The following MS4A14 variants were observed in gnomAD, a reference collection of about 807,000 sequenced individuals.
MS4A14 encodes membrane spanning 4-domains A14.
MS4A14 carries 18 observed loss-of-function variants against 16.7 expected under a neutral mutation model. The observed-to-expected ratio is 1.08, with a 90% CI of 0.75 to 1.60. MS4A14 has a LOEUF of 1.60. MS4A14 is among the 40% of genes most tolerant of loss of function. The pLI is 0.00. For missense variants in MS4A14, 812 were observed against 775.3 expected, an observed-to-expected ratio of 1.05 and a Z score of -0.56; for synonymous variants, 305 against 289.4, an observed-to-expected ratio of 1.05 and a Z score of -0.55.
Position 60,416,246 on chromosome 11 carries a change from G to A in MS4A14, c.1278G>A (p.Gln426=). The change falls in exon 5 of 5, where the codon CAG becomes CAA. Residue 426 remains glutamine (Q), a synonymous_variant. Coordinates refer to ENST00000300187, the MANE Select transcript of MS4A14 (RefSeq NM_032597.5). ...LPEASTSHIV[Q]FPEIQHLLQQ... ...AAGCCTCAACATCCCATATTGTGCAGTTCCCTGAAATACAACACCTACTTC... is the reference window on the plus strand; with the variant it reads ...AAGCCTCAACATCCCATATTGTGCAATTCCCTGAAATACAACACCTACTTC... 1 of 1,613,974 alleles carries A rather than the reference G, an allele frequency of 6.2e-7. No homozygotes were observed. Among genetic ancestry groups the A allele is most frequent in the Non-Finnish European group, 8.5e-7 (1 of 1,179,954 alleles).
At chr11:60,403,225 C>A in intron 4 of MS4A14, 164 bp downstream of exon 4, 4 of 706,706 alleles carry the variant, frequency 5.7e-6, no homozygotes, top group South Asian at 5.2e-5. Context: ...GGTTAAGGAG[C>A]GATATTTTCT....
chr11:60,416,035 C>A lies in MS4A14; in HGVS notation c.1067C>A (p.Pro356His), dbSNP rs978469443. ...TCTAATCTGACAGCTAATGACCTGC[C>A]CCCTCAAGGCATACTATCCCAAGAC... ...QSSNLTANDL[P>H]PQGILSQDTS... The change falls in exon 5 of 5, where the codon CCC becomes CAC. Residue 356 changes from proline to histidine, a missense_variant. Transcript: ENST00000300187. The A allele has an allele frequency of 6.2e-7, 1 of 1,613,638 alleles. No individual in the cohort carries two copies.
intron 4 of MS4A14, among the ~76,000 whole-genome samples, chr11:60,411,158 A>T (rs2135146631): frequency 6.6e-6 from 1 of 152,224 alleles, no homozygotes; most frequent in South Asian, 2.1e-4. Context: ...GTATTGTTTT[A>T]ATTAGTGTAG....
In MS4A14 at chr11:60,416,424, C is replaced by A; in HGVS notation, c.1456C>A (p.His486Asn). 6.2e-7 allele frequency: 1 copy of A among 1,613,968 alleles called. No individual in the cohort carries two copies. Among genetic ancestry groups the A allele is most frequent in the Non-Finnish European group, 8.5e-7 (1 of 1,179,934 alleles). The change falls in exon 5 of 5, where the codon CAT (histidine) becomes AAT (asparagine). Residue 486 changes from histidine (H) to asparagine (N), a missense_variant. Physicochemically the swap from His to Asn is moderately conservative, Grantham distance 68. Coordinates refer to ENST00000300187, the MANE Select transcript of MS4A14 (RefSeq NM_032597.5). ...CCATAGAAGAAAATCCTCAAGACGG[C>A]ATTCCTTAAACCAGCAAACCAAAGC... ...ELHRRKSSRRHSLNQQTKALQ... is the reference protein window; with the variant it reads ...ELHRRKSSRRNSLNQQTKALQ...
intron 2 of MS4A14, 72 bp downstream of exon 2, chr11:60,398,052 G>A: frequency 1.3e-6 from 2 of 1,521,850 alleles, no homozygotes; most frequent in African/African-American, 1.4e-5. Flanking sequence ...ACGTCCTAGG[G>A]TAATGAATTC....
At chr11:60,399,742 T>C (rs1018476848) in intron 2 of MS4A14, among the ~76,000 whole-genome samples, 1 of 152,096 alleles carries the variant, frequency 6.6e-6, no homozygotes, top group Non-Finnish European at 1.5e-5. Context: ...GTGACAGGAC[T>C]TGGCAATCCA....
intron 4 of MS4A14, among the ~76,000 whole-genome samples, chr11:60,406,764 C>T (rs924012031): frequency 6.6e-6 from 1 of 152,176 alleles, no homozygotes; most frequent in Non-Finnish European, 1.5e-5. Flanking sequence ...AGGTATAGTG[C>T]ATTCCTAGCA....
intron 4 of MS4A14, among the ~76,000 whole-genome samples, chr11:60,408,282 T>G (rs1342316072): frequency 6.6e-6 from 1 of 152,226 alleles, no homozygotes; most frequent in Non-Finnish European, 1.5e-5. Context: ...CATTTCTGTG[T>G]CTTTAGAGTA....
chr11:60,398,734 A>T (rs1343124758), intron 2 of MS4A14, among the ~76,000 whole-genome samples: 3 of 152,240 alleles, frequency 2.0e-5, no homozygotes, highest in Non-Finnish European at 4.4e-5. Context: ...ACTATCTCTG[A>T]CTATTAAAAA....
chr11:60,400,694 T>G (rs2085700678), intron 3 of MS4A14, among the ~76,000 whole-genome samples: 1 of 152,202 alleles, frequency 6.6e-6, no homozygotes, highest in Non-Finnish European at 1.5e-5. Context: ...TCTGCATCCC[T>G]GTAATTCATT....
intron 3 of MS4A14, among the ~76,000 whole-genome samples, chr11:60,402,260 C>A (rs1271888078): frequency 7.0e-6 from 1 of 142,920 alleles, no homozygotes; most frequent in East Asian, 2.3e-4. Context: ...CAAGAAAAAA[C>A]ACCTTTAAAC....
Position 60,416,740 on chromosome 11 carries a change from C to T in MS4A14, c.1772C>T (p.Thr591Ile). 6.2e-7 allele frequency: 1 copy of T among 1,613,660 alleles called. No homozygotes were observed. Among genetic ancestry groups the T allele is most frequent in the Non-Finnish European group, 8.5e-7 (1 of 1,179,864 alleles). ...GATGGACAAGTTAAAGACCAGCAGA[C>T]TGATAAGGAGCAAAACTCAAAGAAG... is the stretch of plus-strand genomic sequence containing the variant. ...SKDGQVKDQQ[T>I]DKEQNSKKQT... is the part of the protein sequence containing the mutation. The change falls in exon 5 of 5, where the codon ACT (threonine) becomes ATT (isoleucine). Residue 591 changes from threonine to isoleucine, a missense_variant. Coordinates refer to ENST00000300187, the MANE Select transcript of MS4A14 (RefSeq NM_032597.5).
intron 3 of MS4A14, 23 bp downstream of exon 3, chr11:60,400,477 A>G: frequency 6.5e-7 from 1 of 1,534,330 alleles, no homozygotes; most frequent in Non-Finnish European, 9.0e-7. Flanking sequence ...AACTACATAA[A>G]ATTTAAAATC....
rs766123286 is a variant in MS4A14, at chr11:60,415,706, A to G, written c.738A>G (p.Glu246=). Reference sequence around the variant, plus strand: ...TTCCATCTCCCAAATTTTCAGAGGAAGAAATTGAACCTTTGCCTCCCACAC... The same window carrying G: ...TTCCATCTCCCAAATTTTCAGAGGAGGAAATTGAACCTTTGCCTCCCACAC... ...SILPSPKFSE[E]EIEPLPPTLE... The change falls in exon 5 of 5, where the codon GAA becomes GAG. Residue 246 remains glutamate, a synonymous_variant. Transcript: ENST00000300187. 1.2e-6 allele frequency: 2 copies of G among 1,613,848 alleles called. No individual in the cohort carries two copies. Among genetic ancestry groups the G allele is most frequent in the East Asian group, 4.5e-5 (2 of 44,884 alleles).
chr11:60,415,607 T>C lies in MS4A14; in HGVS notation c.639T>C (p.Ser213=), dbSNP rs142667482. Residue 213 remains serine (S), a synonymous_variant, in exon 5 of 5, where the codon TCT becomes TCC. Coordinates refer to ENST00000300187, the MANE Select transcript of MS4A14 (RefSeq NM_032597.5). ...ATGCTTTCTTCAAGTTAACACTCTCTAGGAGTCCTTTAGTCTCCCAACCAG... is the reference window on the plus strand; with the variant it reads ...ATGCTTTCTTCAAGTTAACACTCTCCAGGAGTCCTTTAGTCTCCCAACCAG... ...GGYAFFKLTL[S]RSPLVSQPGN... 1.4e-5 allele frequency: 22 copies of C among 1,613,798 alleles called. No individual in the cohort carries two copies. Among genetic ancestry groups the C allele is most frequent in the Non-Finnish European group, 1.8e-5 (21 of 1,179,800 alleles).
chr11:60,404,609 A>G, intron 4 of MS4A14: 1 of 456,988 alleles, frequency 2.2e-6, no homozygotes, highest in South Asian at 1.5e-5. Context: ...TGTGTCAAGT[A>G]TCCACGGCCC....
chr11:60,402,912 G>C lies in MS4A14; in HGVS notation c.319G>C (p.Gly107Arg). 2 of 1,612,432 alleles carry C rather than the reference G, an allele frequency of 1.2e-6. No homozygotes were observed. Among genetic ancestry groups the C allele is most frequent in the Non-Finnish European group, 1.7e-6 (2 of 1,179,294 alleles). Residue 107 changes from glycine (G) to arginine (R), a missense_variant and splice_region_variant, in exon 4 of 5, where the codon GGT becomes CGT. Physicochemically the swap from Gly to Arg is moderately radical, Grantham distance 125. Transcript: ENST00000300187. ...TVTDKKSKLLGQGVTGMNVIS... is the reference protein window; with the variant it reads ...TVTDKKSKLLRQGVTGMNVIS... ...TTATCATTTTTAAACTATCTTTCAGGGTCAAGGTGTCACGGGCATGAATGT... is the reference window on the plus strand; with the variant it reads ...TTATCATTTTTAAACTATCTTTCAGCGTCAAGGTGTCACGGGCATGAATGT...
At chr11:60,405,797 C>T (rs1379564957) in intron 4 of MS4A14, 5 of 901,746 alleles carry the variant, frequency 5.5e-6, no homozygotes, top group East Asian at 2.8e-5. Context: ...GTTTCCCATA[C>T]TTGGTGATAG....
chr11:60,415,458 G>T lies in MS4A14; in HGVS notation c.490G>T (p.Asp164Tyr), dbSNP rs1272902276. Reference protein sequence around the residue: ...LFIVLFFLPSDVTQNSEQPAP... With the variant: ...LFIVLFFLPSYVTQNSEQPAP... The stretch of plus-strand genomic sequence containing the variant: ...ATAGGTTCTGTTTTTCTTGCCTTCG[G>T]ATGTTACTCAAAATAGTGAACAACC... The change falls in exon 5 of 5, where the codon GAT (aspartate) becomes TAT (tyrosine). Residue 164 changes from aspartate to tyrosine, a missense_variant. By Grantham distance (160) the Asp-to-Tyr change is radical (BLOSUM62 -3). Coordinates refer to ENST00000300187, the MANE Select transcript of MS4A14 (RefSeq NM_032597.5). 2.5e-6 allele frequency: 4 copies of T among 1,609,530 alleles called. No individual in the cohort carries two copies. Among genetic ancestry groups the T allele is most frequent in the South Asian group, 2.2e-5 (2 of 90,078 alleles).
Sources: allele counts gnomAD v4.1 joint callset (sites outside exome capture counted in the v4.1 genomes callset), GRCh38; gene constraint gnomAD v4.1.1; transcripts MANE v1.5; gene names NCBI Gene and HGNC (gene_info 2026-07-23, HGNC 2026-07-21).